Variants in PCDHA13 observed in about 807,000 individuals in gnomAD.
The protein encoded by PCDHA13 is protocadherin alpha-13.
In PCDHA13, 54 loss-of-function variants were observed where a neutral mutation model predicts 64.8. The observed-to-expected ratio is 0.83, with a 90% CI of 0.67 to 1.04. PCDHA13 has a LOEUF of 1.04. Among genes scored for constraint, PCDHA13 ranks in the 50% least tolerant of loss-of-function variants. The probability of loss-of-function intolerance (pLI) is 0.00; values close to 1 mark genes in which losing one functional copy is unlikely to be tolerated. For missense variants in PCDHA13, 1,248 were observed against 1,254.3 expected (o/e 0.99, Z 0.08); for synonymous variants, 587 against 564.4 (o/e 1.04, Z -0.57).
In PCDHA13 at chr5:141,012,118, T is replaced by C. The variant is rs2098422988; in HGVS notation, c.*2181T>C. 6.5e-6 allele frequency: 1 copy of C among 153,768 alleles called. No individual in the cohort carries two copies. The highest frequency in any genetic ancestry group is 2.4e-5 in the African/African-American group (1 of 41,458). The allele number at this position is 153,768 out of a possible 1,614,324, so 9.5% of individuals were successfully genotyped here. A position where few individuals can be genotyped will look rare whatever the true frequency, so the allele number is the denominator to read the frequency against. On this transcript the variant is annotated 3_prime_UTR_variant, in exon 4 of 4. Coordinates refer to ENST00000289272, the MANE Select transcript of PCDHA13 (RefSeq NM_018904.3). ...TCATTTTGCCCCACTGAAGCCCATG[T>C]ATCTGACCTTACGTGCCTTTTGAAC...
Position 140,884,469 on chromosome 5 carries a change from C to T in PCDHA13, c.2201C>T (p.Pro734Leu), listed in dbSNP as rs371718634. Residue 734 changes from proline (P) to leucine (L), a missense_variant, in exon 1 of 4, where the codon CCG becomes CTG. Pro to Leu is a moderately conservative substitution (Grantham distance 98, BLOSUM62 -3). Transcript: ENST00000289272. Reference sequence around the variant, plus strand: ...CCGCCCACCGAGGGCGCGTGCGCGCCGGGCAAGCCCACTCTAGTGTGCTCC... The same window carrying T: ...CCGCCCACCGAGGGCGCGTGCGCGCTGGGCAAGCCCACTCTAGTGTGCTCC... ...SAPPTEGACA[P>L]GKPTLVCSSA... is the part of the protein sequence containing the mutation. 6.2e-7 allele frequency: 1 copy of T among 1,613,766 alleles called. No individual in the cohort carries two copies. Among genetic ancestry groups the T allele is most frequent in the Admixed American group, 1.7e-5 (1 of 60,006 alleles).
At chr5:140,907,392 A>G (rs1362391388) in intron 1 of PCDHA13, among the ~76,000 whole-genome samples, 1 of 152,202 alleles carries the variant, frequency 6.6e-6, no homozygotes, top group Non-Finnish European at 1.5e-5. Context: ...GTCAAAGGCA[A>G]TGCTGTGTGG....
chr5:140,889,441 C>G (rs2062226063), intron 1 of PCDHA13, among the ~76,000 whole-genome samples: 2 of 151,842 alleles, frequency 1.3e-5, no homozygotes, highest in African/African-American at 2.4e-5. Flanking sequence ...CAGGTATTTT[C>G]CTGTTTAATC....
chr5:140,921,002 C>T (rs909094860), intron 1 of PCDHA13, among the ~76,000 whole-genome samples: 4 of 151,934 alleles, frequency 2.6e-5, no homozygotes, highest in Admixed American at 6.6e-5. Context: ...TTTTCAGAGT[C>T]AGGGTCTTGC....
At chr5:140,925,641 T>TATAATA (rs10569930) in intron 1 of PCDHA13, among the ~76,000 whole-genome samples, 37,208 of 143,074 alleles carry the variant, frequency 0.26, 4,933 homozygotes, top group Middle Eastern at 0.29. Context: ...GAACTTAAAG[T>TATAATA]ATAATAATAA....
chr5:140,904,877 AC>A (rs2071441380), intron 1 of PCDHA13, among the ~76,000 whole-genome samples: 1 of 151,792 alleles, frequency 6.6e-6, no homozygotes, highest in African/African-American at 2.4e-5. Context: ...TCCTTAGCTC[AC>A]TTTTTGATGG....
intron 1 of PCDHA13, among the ~76,000 whole-genome samples, chr5:140,908,451 A>T (rs2073980523): frequency 6.6e-6 from 1 of 152,170 alleles, no homozygotes; most frequent in African/African-American, 2.4e-5. Context: ...TTATGGCTAG[A>T]TGGATCAGAA....
intron 1 of PCDHA13, among the ~76,000 whole-genome samples, chr5:140,921,577 A>G (rs1248608945): frequency 6.6e-6 from 1 of 152,242 alleles, no homozygotes; most frequent in African/African-American, 2.4e-5. Context: ...AGTAGAGCTC[A>G]TACTATATTA....
intron 1 of PCDHA13, among the ~76,000 whole-genome samples, chr5:140,926,042 T>A (rs1316278838): frequency 2.0e-5 from 3 of 152,148 alleles, no homozygotes; most frequent in African/African-American, 7.2e-5. Context: ...CGGACACTAT[T>A]CCCCAACCTT....
chr5:140,928,836 C>G, intron 1 of PCDHA13: 2 of 1,614,168 alleles, frequency 1.2e-6, no homozygotes, highest in South Asian at 2.2e-5. Context: ...CACTTTCCTC[C>G]TCTGTCACTC....
At chr5:140,889,042 A>G (rs1395605890) in intron 1 of PCDHA13, among the ~76,000 whole-genome samples, 1 of 152,046 alleles carries the variant, frequency 6.6e-6, no homozygotes, top group African/African-American at 2.4e-5. Context: ...ATTTGATTAT[A>G]ATTTATAATC....
chr5:140,960,789 T>C (rs1221128371), intron 1 of PCDHA13, among the ~76,000 whole-genome samples: 3 of 152,058 alleles, frequency 2.0e-5, no homozygotes. Context: ...CCAAACAAGG[T>C]TTCTATTAAA....
intron 1 of PCDHA13, among the ~76,000 whole-genome samples, chr5:140,890,025 T>G (rs1438426095): frequency 2.0e-5 from 3 of 152,178 alleles, no homozygotes; most frequent in African/African-American, 7.2e-5. Context: ...TGTAGAAGGC[T>G]TCAGGTGACT....
At chr5:140,928,529 T>C in intron 1 of PCDHA13, 7 of 1,614,226 alleles carry the variant, frequency 4.3e-6, no homozygotes, top group Non-Finnish European at 4.2e-6. Flanking sequence ...TTGTTTGTGG[T>C]AGATAGGAAT....
Position 140,974,796 on chromosome 5 carries a change from G to T in PCDHA13, c.2395-4153G>T, listed in dbSNP as rs2096640726. On this transcript the variant is annotated intron_variant, in intron 1 of 3. Transcript: ENST00000289272. The stretch of plus-strand genomic sequence containing the variant: ...AGCCACTGCGCCCAGCCCTCATTTT[G>T]ATATACTAGAAGACCAATATGCAAC... Among the ~76,000 whole-genome samples the T allele has an allele frequency of 2.6e-5, 4 of 152,194 alleles. No individual in the cohort carries two copies. In the South Asian group the frequency reaches 8.3e-4, roughly 32 times the overall value.
intron 1 of PCDHA13, among the ~76,000 whole-genome samples, chr5:140,964,964 C>T (rs1035701368): frequency 2.6e-5 from 4 of 152,212 alleles, no homozygotes; most frequent in Non-Finnish European, 4.4e-5. Flanking sequence ...GTTGGTGGAA[C>T]GAAGGGATGT....
At position 140,883,674 on chromosome 5, in the gene PCDHA13, C is replaced by T. The variant is rs782029001; in HGVS notation, c.1406C>T (p.Pro469Leu). The change falls in exon 1 of 4, where the codon CCG becomes CTG. Residue 469 changes from proline to leucine, a missense_variant. Coordinates refer to ENST00000289272, the MANE Select transcript of PCDHA13 (RefSeq NM_018904.3). The stretch of plus-strand genomic sequence containing the variant: ...ACGGTGTTCGTGAAGGAAAACAATC[C>T]GCCGGGCTGCCACATCTTCACGGTG... ...EYTVFVKENN[P>L]PGCHIFTVSA... 3.1e-6 allele frequency: 5 copies of T among 1,613,738 alleles called. No individual in the cohort carries two copies. Among genetic ancestry groups the T allele is most frequent in the African/African-American group, 2.7e-5 (2 of 74,970 alleles).
At chr5:140,995,682 T>A (rs566340825) in intron 3 of PCDHA13, among the ~76,000 whole-genome samples, 28 of 152,312 alleles carry the variant, frequency 1.8e-4, no homozygotes, top group East Asian at 9.6e-4. Context: ...GCATTTTTTT[T>A]AATTGTTAAA....
intron 1 of PCDHA13, among the ~76,000 whole-genome samples, chr5:140,940,491 C>A (rs1554213409): frequency 6.6e-6 from 1 of 151,752 alleles, no homozygotes; most frequent in Admixed American, 6.6e-5. Context: ...CAAGACAAGT[C>A]TTGCTCCGTC....
Sources: allele counts gnomAD v4.1 joint callset (sites outside exome capture counted in the v4.1 genomes callset), GRCh38; gene constraint gnomAD v4.1.1; transcripts MANE v1.5; gene names NCBI Gene and HGNC (gene_info 2026-07-23, HGNC 2026-07-21).